VRK3: variants seen among roughly 807,000 people sequenced by gnomAD.
VRK3 encodes the protein serine/threonine-protein kinase VRK3.
In VRK3, 50 loss-of-function variants were observed where a neutral mutation model predicts 60.4. The observed-to-expected ratio is 0.83, with a 90% CI of 0.66 to 1.05. The LOEUF (loss-of-function observed/expected upper bound fraction) is 1.05, where lower values mean the gene tolerates loss of function less well. Ranked by LOEUF, VRK3 falls within the 50% of genes least tolerant of loss-of-function variation. The pLI, the probability that VRK3 is intolerant of heterozygous loss-of-function variation, is 0.00. For missense variants in VRK3, 549 were observed against 585.3 expected (o/e 0.94, Z 0.64); for synonymous variants, 246 against 227.8 (o/e 1.08, Z -0.72).
chr19:50,020,958 T>C (rs2017228338), intron 1 of VRK3, among the ~76,000 whole-genome samples: 1 of 152,064 alleles, frequency 6.6e-6, no homozygotes, highest in South Asian at 2.1e-4. Context: ...GACAATAAAG[T>C]ACCATAGAAG....
intron 12 of VRK3, chr19:49,982,219 T>C (rs2076435854): frequency 1.4e-6 from 1 of 702,890 alleles, no homozygotes; most frequent in Non-Finnish European, 2.6e-6. Context: ...CACAGACTCA[T>C]GACCAACAGC....
intron 5 of VRK3, among the ~76,000 whole-genome samples, chr19:50,005,841 G>A (rs760591547): frequency 3.3e-5 from 5 of 149,764 alleles, no homozygotes; most frequent in Non-Finnish European, 7.3e-5. Context: ...GGAGAAAGGC[G>A]GTTAGTGGCT....
At chr19:49,990,614 C>T (rs1265697313) in intron 10 of VRK3, among the ~76,000 whole-genome samples, 4 of 151,986 alleles carry the variant, frequency 2.6e-5, no homozygotes, top group Non-Finnish European at 5.9e-5. Context: ...TTCAAGTGAT[C>T]CTCCTGCCTT....
chr19:49,986,650 C>T (rs1338727627), intron 12 of VRK3: 1 of 152,220 alleles, frequency 6.6e-6, no homozygotes, highest in Non-Finnish European at 1.5e-5. Context: ...ACGAGAAAGG[C>T]TTCATGTGAG....
At chr19:49,977,061 A>T (rs2076342735) in intron 14 of VRK3, among the ~76,000 whole-genome samples, 1 of 152,144 alleles carries the variant, frequency 6.6e-6, no homozygotes, top group Non-Finnish European at 1.5e-5. Flanking sequence ...GGAGGCAGTG[A>T]GGATGCCTCA....
intron 3 of VRK3, among the ~76,000 whole-genome samples, chr19:50,013,153 C>T (rs28580557): frequency 0.053 from 8,016 of 152,222 alleles, 701 homozygotes; most frequent in African/African-American, 0.18. Context: ...GGCGACAGAG[C>T]GAGACTCCGT....
At chr19:50,015,808 G>T (rs552982811) in intron 3 of VRK3, 2 of 610,522 alleles carry the variant, frequency 3.3e-6, no homozygotes, top group Non-Finnish European at 5.7e-6. Flanking sequence ...AGATAGAAAT[G>T]AAGGAGATGT....
chr19:50,022,261 G>A (rs1440280702), intron 1 of VRK3, among the ~76,000 whole-genome samples: 1 of 152,182 alleles, frequency 6.6e-6, no homozygotes, highest in Non-Finnish European at 1.5e-5. Flanking sequence ...AAATCTGGAA[G>A]CTGATGTTGG....
At chr19:49,982,332 TTTGA>T in intron 12 of VRK3, 1 of 648,002 alleles carries the variant, frequency 1.5e-6, no homozygotes, top group South Asian at 1.7e-5. Flanking sequence ...TAGGTGGCTG[TTTGA>T]TTTTTTGTGG....
At chr19:49,998,118 C>T (rs2076737117) in intron 6 of VRK3, 1 of 152,214 alleles carries the variant, frequency 6.6e-6, no homozygotes, top group Non-Finnish European at 1.5e-5. Context: ...TGGAAAACTG[C>T]CCCTGACTTT....
rs137858540 is a variant in VRK3 at position 49,979,187 on chromosome 19, C to T, written c.1332G>A (p.Pro444=). The T allele has an allele frequency of 1.6e-5, 26 of 1,613,938 alleles. No homozygotes were observed. The highest frequency in any genetic ancestry group is 1.6e-4 in the Middle Eastern group (1 of 6,084). Residue 444 remains proline, a synonymous_variant, in exon 14 of 15, where the codon CCG becomes CCA. Coordinates refer to ENST00000316763, the MANE Select transcript of VRK3 (RefSeq NM_016440.4). ...GGTTGTTCCTCAGCATGGCGTAGGG[C>T]GGCTTCTCCTCATACGTGAGGGCCA... The part of the protein sequence containing the change: ...VVMALTYEEK[P]PYAMLRNNLE...
At chr19:49,979,864 A>C (rs2076393885) in intron 13 of VRK3, among the ~76,000 whole-genome samples, 1 of 149,662 alleles carries the variant, frequency 6.7e-6, no homozygotes, top group Non-Finnish European at 1.5e-5. Flanking sequence ...TAACACAGTG[A>C]AACCCCATCT....
intron 12 of VRK3, 28 bp from the exon 13 acceptor site, chr19:49,981,041 G>T: frequency 6.2e-7 from 1 of 1,608,256 alleles, no homozygotes; most frequent in Non-Finnish European, 8.5e-7. Flanking sequence ...CATGTGAAAG[G>T]TCTCTTAGGG....
At chr19:49,984,108 G>A (rs1218219499) in intron 12 of VRK3, among the ~76,000 whole-genome samples, 1 of 152,180 alleles carries the variant, frequency 6.6e-6, no homozygotes, top group African/African-American at 2.4e-5. Context: ...TTTAGATGGG[G>A]GGATGTGAAA....
At chr19:50,022,230 T>C (rs1201969976) in intron 1 of VRK3, among the ~76,000 whole-genome samples, 2 of 152,114 alleles carry the variant, frequency 1.3e-5, no homozygotes, top group Non-Finnish European at 2.9e-5. Context: ...GGGCAGCAGG[T>C]CAGAACATTC....
At chr19:49,992,159 G>C (rs1418278757) in intron 10 of VRK3, among the ~76,000 whole-genome samples, 1 of 152,166 alleles carries the variant, frequency 6.6e-6, no homozygotes, top group Non-Finnish European at 1.5e-5. Flanking sequence ...TGTAATCCCA[G>C]CACCTTGGGA....
At chr19:50,015,247 A>C (rs894372052) in intron 3 of VRK3, among the ~76,000 whole-genome samples, 1 of 152,162 alleles carries the variant, frequency 6.6e-6, no homozygotes, top group Non-Finnish European at 1.5e-5. Context: ...AAATGCTCCA[A>C]AATCTGAAAC....
intron 12 of VRK3, among the ~76,000 whole-genome samples, chr19:49,982,554 T>G (rs76334263): frequency 5.3e-5 from 8 of 152,264 alleles, no homozygotes; most frequent in Admixed American, 2.0e-4. Flanking sequence ...GAGGCTGAAA[T>G]AGGGAGGCAG....
chr19:50,019,554 G>A (rs895136355), intron 2 of VRK3, among the ~76,000 whole-genome samples: 1 of 151,934 alleles, frequency 6.6e-6, no homozygotes, highest in Non-Finnish European at 1.5e-5. Context: ...CTGTCACTCA[G>A]GCTGGAGTGC....
Sources: allele counts gnomAD v4.1 joint callset (sites outside exome capture counted in the v4.1 genomes callset), GRCh38; gene constraint gnomAD v4.1.1; transcripts MANE v1.5; gene names NCBI Gene and HGNC (gene_info 2026-07-23, HGNC 2026-07-21).